The following PRELP variants were observed in gnomAD, a reference collection of about 807,000 sequenced individuals.
The protein encoded by PRELP is prolargin.
A neutral mutation model predicts 22.8 loss-of-function variants in PRELP; 16 were observed. The observed-to-expected ratio is 0.70, with a 90% CI of 0.47 to 1.06. The LOEUF (loss-of-function observed/expected upper bound fraction) is 1.06. Among genes scored for constraint, PRELP ranks in the 50% least tolerant of loss-of-function variants. PRELP has a pLI of 0.00. For synonymous variants in PRELP, 233 were observed against 211.4 expected (o/e 1.10, Z -0.89); for missense variants, 434 against 485.2 (o/e 0.89, Z 0.99).
At chr1:203,482,832 C>T (rs1179921479) in intron 1 of PRELP, among the ~76,000 whole-genome samples, 3 of 151,274 alleles carry the variant, frequency 2.0e-5, no homozygotes. Flanking sequence ...CTCCTGACCT[C>T]ATGATCTGCC....
At chr1:203,484,218 AC>A (rs1661058939) in intron 2 of PRELP, 61 bp downstream of exon 2, 1 of 1,568,952 alleles carries the variant, frequency 6.4e-7, no homozygotes, top group Non-Finnish European at 8.6e-7. Flanking sequence ...TAGCACTTCC[AC>A]CCTCTCTAGG....
chr1:203,484,692 G>A (rs146361104), intron 2 of PRELP, among the ~76,000 whole-genome samples: 30 of 152,332 alleles, frequency 2.0e-4, no homozygotes, highest in Admixed American at 3.3e-4. Context: ...TGGTAAAAAT[G>A]TGGCAGTCAG....
intron 1 of PRELP, among the ~76,000 whole-genome samples, chr1:203,479,034 G>A (rs1393569852): frequency 1.3e-5 from 2 of 152,188 alleles, no homozygotes; most frequent in African/African-American, 4.8e-5. Flanking sequence ...GGGGTGTTCC[G>A]ACATTCACCG....
chr1:203,483,674 G>C lies in PRELP; in HGVS notation c.490G>C (p.Glu164Gln). ...FLYMEKNQLEEVPSALPRNLE... is the reference protein window; with the variant it reads ...FLYMEKNQLEQVPSALPRNLE... ...CTACATGGAGAAGAACCAGTTGGAA[G>C]AGGTCCCCTCGGCCCTGCCCCGGAA... The change falls in exon 2 of 3, where the codon GAG (glutamate) becomes CAG (glutamine). Residue 164 changes from glutamate to glutamine, a missense_variant. By Grantham distance (29) the Glu-to-Gln change is conservative. Transcript: ENST00000343110. The surrounding 1 kb of genome is among the most constrained non-coding windows in gnomAD (Gnocchi z 4.4). 1.9e-6 allele frequency: 3 copies of C among 1,614,222 alleles called. No homozygotes were observed. The highest frequency in any genetic ancestry group is 1.7e-6 in the Non-Finnish European group (2 of 1,180,042).
In PRELP at chr1:203,489,622, GT is replaced by G. The variant is rs1290917915; in HGVS notation, c.*2742del. On this transcript the variant is annotated 3_prime_UTR_variant, in exon 3 of 3. Transcript: ENST00000343110. Reference sequence around the variant, plus strand: ...TAAAGTAATATGAAAAACACCCTGCGTGAACTCAACGGTGTGAACAGGTCAA... The same window carrying G: ...TAAAGTAATATGAAAAACACCCTGCGGAACTCAACGGTGTGAACAGGTCAA... The G allele has an allele frequency of 1.3e-5, 2 of 152,218 alleles. No individual in the cohort carries two copies. Among genetic ancestry groups the G allele is most frequent in the East Asian group, 3.8e-4 (2 of 5,206 alleles). 9.4% of individuals were successfully genotyped at this position (152,218 alleles called of 1,614,324 possible).
At chr1:203,479,512 G>A (rs1187789984) in intron 1 of PRELP, among the ~76,000 whole-genome samples, 1 of 151,902 alleles carries the variant, frequency 6.6e-6, no homozygotes, top group African/African-American at 2.4e-5. Context: ...AGACCAGCCT[G>A]GGCAACATGG....
rs139408637 is a variant in PRELP, at chr1:203,486,638, C to T, written c.974-68C>T. On this transcript the variant is annotated intron_variant, in intron 2 of 2. Transcript: ENST00000343110. The stretch of plus-strand genomic sequence containing the variant: ...AGTCCTTGCTCTCGGGTGTCTTCCC[C>T]CTTCCCCTTCCTCATCTTGGCCGCC... 2.8e-4 allele frequency: 408 copies of T among 1,450,358 alleles called. 1 individual carries two copies. The East Asian group carries it at 7.5e-3, about 27-fold the overall frequency. 89.8% of individuals were successfully genotyped at this position (1,450,358 alleles called of 1,614,324 possible). A position where few individuals can be genotyped will look rare whatever the true frequency, so the allele number is the denominator to read the frequency against.
In PRELP at chr1:203,483,469, A is replaced by C. The variant is rs1661041946; in HGVS notation, c.285A>C (p.Arg95=). Residue 95 remains arginine (R), a synonymous_variant, in exon 2 of 3, where the codon CGA becomes CGC. Coordinates refer to ENST00000343110, the MANE Select transcript of PRELP (RefSeq NM_002725.4). This position sits in a 1 kb window ranked among gnomAD's most constrained non-coding sequence, Gnocchi z 4.4. Reference sequence around the variant, plus strand: ...TCTACTGTGATAGCCGCAACCTGCGAAAGGTCCCTGTCATCCCGCCCCGCA... The same window carrying C: ...TCTACTGTGATAGCCGCAACCTGCGCAAGGTCCCTGTCATCCCGCCCCGCA... ...SALYCDSRNL[R]KVPVIPPRIH... is the part of the protein sequence containing the mutation. 6.2e-7 allele frequency: 1 copy of C among 1,614,148 alleles called. No homozygotes were observed. The highest frequency in any genetic ancestry group is 8.5e-7 in the Non-Finnish European group (1 of 1,180,012).
chr1:203,482,591 CTTTTTTTTTTTTTTTT>C, intron 1 of PRELP, among the ~76,000 whole-genome samples: 1 of 51,076 alleles, frequency 2.0e-5, no homozygotes, highest in Admixed American at 3.3e-4. Context: ...CCCAATGTGC[CTTTTTTTTTTTTTTTT>C]TTTTTTTTGA....
chr1:203,488,212 A>T lies in PRELP; in HGVS notation c.*1331A>T, dbSNP rs1168183833. The T allele has an allele frequency of 6.6e-6, 1 of 152,202 alleles. No individual in the cohort carries two copies. Among genetic ancestry groups the T allele is most frequent in the Non-Finnish European group, 1.5e-5 (1 of 68,126 alleles). 9.4% of individuals were successfully genotyped at this position (152,202 alleles called of 1,614,324 possible). A position where few individuals can be genotyped will look rare whatever the true frequency, so the allele number is the denominator to read the frequency against. ...TCTCAGCTCCCTCATCTGTAAACCG[A>T]GGAGGTGGATAAGATGCTCCCGGCC... On this transcript the variant is annotated 3_prime_UTR_variant, in exon 3 of 3. Transcript: ENST00000343110.
chr1:203,484,126 A>G lies in PRELP; in HGVS notation c.942A>G (p.Glu314=), dbSNP rs201298563. ...SSVPAINNRL[E]HLYLNNNSIE... ...TGCCCGCCATCAACAACAGGCTGGA[A>G]CACCTGTACCTCAACAACAATAGCA... The change falls in exon 2 of 3, where the codon GAA becomes GAG. Residue 314 remains glutamate (E), a synonymous_variant. Coordinates refer to ENST00000343110, the MANE Select transcript of PRELP (RefSeq NM_002725.4). 35 of 1,605,400 alleles carry G rather than the reference A, an allele frequency of 2.2e-5. 1 individual carries two copies. The Middle Eastern group carries it at 8.3e-4, about 38-fold the overall frequency.
At position 203,489,159 on chromosome 1, in the gene PRELP, A is replaced by T. The variant is rs1361969234; in HGVS notation, c.*2278A>T. 4 of 152,606 alleles carry T rather than the reference A, an allele frequency of 2.6e-5. No individual in the cohort carries two copies. The highest frequency in any genetic ancestry group is 5.9e-5 in the Non-Finnish European group (4 of 68,052). The allele number at this position is 152,606 out of a possible 1,614,324, so 9.5% of individuals were successfully genotyped here. On this transcript the variant is annotated 3_prime_UTR_variant, in exon 3 of 3. Coordinates refer to ENST00000343110, the MANE Select transcript of PRELP (RefSeq NM_002725.4). ...AACCTGGTGCTTCGGCCTGGATAAGAGCCCCTTCTGCATCTTATTCACAGC... is the reference window on the plus strand; with the variant it reads ...AACCTGGTGCTTCGGCCTGGATAAGTGCCCCTTCTGCATCTTATTCACAGC...
At position 203,487,002 on chromosome 1, in the gene PRELP, A is replaced by C. The variant is rs1571589000; in HGVS notation, c.*121A>C. 4 of 1,132,766 alleles carry C rather than the reference A, an allele frequency of 3.5e-6. No individual in the cohort carries two copies. The highest frequency in any genetic ancestry group is 4.8e-6 in the Non-Finnish European group (4 of 830,914). 70.2% of individuals were successfully genotyped at this position (1,132,766 alleles called of 1,614,324 possible). A position where few individuals can be genotyped will look rare whatever the true frequency, so the allele number is the denominator to read the frequency against. ...CTCCCAGCTTTGCCTCCCTTATCCC[A>C]CCCTCGAGGCAGGGAAAAGCCATCT... On this transcript the variant is annotated 3_prime_UTR_variant, in exon 3 of 3. Transcript: ENST00000343110.
chr1:203,481,145 C>T (rs1167057661), intron 1 of PRELP, among the ~76,000 whole-genome samples: 3 of 152,190 alleles, frequency 2.0e-5, no homozygotes, highest in Admixed American at 6.5e-5. Flanking sequence ...GAAAAACTCC[C>T]GCCAGTGCTG....
At chr1:203,485,276 A>AG (rs1661074345) in intron 2 of PRELP, among the ~76,000 whole-genome samples, 1 of 152,178 alleles carries the variant, frequency 6.6e-6, no homozygotes, top group African/African-American at 2.4e-5. Flanking sequence ...TACAGACAGA[A>AG]GGGATACCTT....
chr1:203,486,635 C>CCCCCTT (rs776127178), intron 2 of PRELP, 71 bp from the exon 3 acceptor site: 16 of 1,410,508 alleles, frequency 1.1e-5, no homozygotes, highest in East Asian at 2.3e-5. Context: ...CGGGTGTCTT[C>CCCCCTT]CCCCTTCCCC....
At chr1:203,476,983 G>A (rs1241999410) in intron 1 of PRELP, among the ~76,000 whole-genome samples, 2 of 151,816 alleles carry the variant, frequency 1.3e-5, no homozygotes, top group Non-Finnish European at 2.9e-5. Context: ...GTTGGGGAGG[G>A]GAAAACTGAA....
intron 2 of PRELP, among the ~76,000 whole-genome samples, 171 bp from the exon 3 acceptor site, chr1:203,486,535 A>C (rs1289447190): frequency 6.6e-6 from 1 of 152,258 alleles, no homozygotes; most frequent in African/African-American, 2.4e-5. Flanking sequence ...ACAAATGAGT[A>C]AACTGAGCCT....
In PRELP at chr1:203,486,644, C is replaced by G. The variant is rs1228200996; in HGVS notation, c.974-62C>G. 6 of 1,493,280 alleles carry G rather than the reference C, an allele frequency of 4.0e-6. No individual in the cohort carries two copies. In the East Asian group the frequency reaches 1.1e-4, roughly 28 times the overall value. The allele number at this position is 1,493,280 out of a possible 1,614,324, so 92.5% of individuals were successfully genotyped here. On this transcript the variant is annotated intron_variant, in intron 2 of 2. Transcript: ENST00000343110. ...TGCTCTCGGGTGTCTTCCCCCTTCC[C>G]CTTCCTCATCTTGGCCGCCAGCCTC...
Sources: gnomAD v4.1 joint callset for allele counts (sites outside exome capture counted in the v4.1 genomes callset) on GRCh38, gnomAD v4.1.1 for gene constraint, Gnocchi (gnomAD v3.1) non-coding constraint, MANE v1.5 for transcripts, NCBI Gene and HGNC (gene_info 2026-07-23, HGNC 2026-07-21) for gene names.